Variants in MYRIP observed in about 807,000 individuals in gnomAD.
The protein encoded by MYRIP is myosin VIIA and Rab interacting protein, also known as rab effector MyRIP.
MYRIP carries 49 observed loss-of-function variants against 98.0 expected under a neutral mutation model. The ratio of observed to expected loss-of-function variants is 0.50; its 90% confidence interval spans 0.40 to 0.63. The LOEUF is 0.63. MYRIP is among the 30% of genes least tolerant of loss of function. The pLI, the probability that MYRIP is intolerant of heterozygous loss-of-function variation, is 0.00. For synonymous variants in MYRIP, 404 were observed against 409.5 expected (o/e 0.99, Z 0.16); for missense variants, 1,004 against 1,058.2 (o/e 0.95, Z 0.71).
chr3:40,192,346 A>ATATATATGTCATATATATATATGTCATT (rs1951257173), intron 10 of MYRIP, among the ~76,000 whole-genome samples: 1 of 110,660 alleles, frequency 9.0e-6, no homozygotes, highest in African/African-American at 3.3e-5. Flanking sequence ...TATATGTCAT[A>ATATATATGTCATATATATATATGTCATT]TATATATTTA....
chr3:40,083,924 T>C (rs969549795), intron 3 of MYRIP, among the ~76,000 whole-genome samples: 1 of 151,816 alleles, frequency 6.6e-6, no homozygotes, highest in Non-Finnish European at 1.5e-5. Context: ...GATTATGAGG[T>C]CAGGAGATCA....
At chr3:40,089,491 C>T (rs1948699528) in intron 3 of MYRIP, among the ~76,000 whole-genome samples, 1 of 152,122 alleles carries the variant, frequency 6.6e-6, no homozygotes, top group Non-Finnish European at 1.5e-5. Context: ...GCAGGTTCTT[C>T]CAGGCATGAG....
At chr3:39,932,366 GT>G (rs900652658) in intron 2 of MYRIP, among the ~76,000 whole-genome samples, 1 of 149,524 alleles carries the variant, frequency 6.7e-6, no homozygotes, top group African/African-American at 2.5e-5. Context: ...CACAAAATGA[GT>G]CTTTTTTTTT....
At chr3:40,197,103 T>C (rs1170763223) in intron 10 of MYRIP, among the ~76,000 whole-genome samples, 2 of 152,148 alleles carry the variant, frequency 1.3e-5, no homozygotes, top group African/African-American at 2.4e-5. Context: ...TTTCTATGGA[T>C]TGCGGCAGGT....
chr3:39,851,041 T>A (rs538595274), intron 1 of MYRIP, among the ~76,000 whole-genome samples: 1 of 152,300 alleles, frequency 6.6e-6, no homozygotes, highest in East Asian at 1.9e-4. Context: ...AGCAGGGGAT[T>A]GCAGGCATCT....
At chr3:40,216,143 T>C (rs1203197483) in intron 11 of MYRIP, among the ~76,000 whole-genome samples, 1 of 152,136 alleles carries the variant, frequency 6.6e-6, no homozygotes, top group Non-Finnish European at 1.5e-5. Context: ...CAGACATACT[T>C]CAAGCCTCTA....
At chr3:40,104,064 AC>A (rs1949005037) in intron 3 of MYRIP, among the ~76,000 whole-genome samples, 1 of 152,192 alleles carries the variant, frequency 6.6e-6, no homozygotes, top group African/African-American at 2.4e-5. Flanking sequence ...AAGTCTAAAT[AC>A]CTGTAAGTAC....
intron 2 of MYRIP, among the ~76,000 whole-genome samples, chr3:39,910,610 T>G (rs1943998107): frequency 6.6e-6 from 1 of 152,234 alleles, no homozygotes; most frequent in African/African-American, 2.4e-5. Flanking sequence ...AGATCAAGTA[T>G]AAAAAATGTA....
chr3:40,157,425 A>G (rs1300561511), intron 4 of MYRIP, among the ~76,000 whole-genome samples: 1 of 148,146 alleles, frequency 6.8e-6, no homozygotes, highest in South Asian at 2.2e-4. Context: ...TTTTGCATCA[A>G]TGTTCATCAA....
At chr3:40,000,329 C>G (rs936751745) in intron 2 of MYRIP, among the ~76,000 whole-genome samples, 2 of 152,156 alleles carry the variant, frequency 1.3e-5, no homozygotes, top group African/African-American at 4.8e-5. Flanking sequence ...TGACTCCAAG[C>G]AAATTCCTAT....
chr3:39,839,607 G>T (rs1211820732), intron 1 of MYRIP, among the ~76,000 whole-genome samples: 1 of 152,094 alleles, frequency 6.6e-6, no homozygotes, highest in African/African-American at 2.4e-5. Flanking sequence ...GCTCTTTCCT[G>T]CTTTCTTCTG....
chr3:39,982,463 C>A (rs1463991476), intron 2 of MYRIP, among the ~76,000 whole-genome samples: 1 of 152,146 alleles, frequency 6.6e-6, no homozygotes, highest in African/African-American at 2.4e-5. Flanking sequence ...CCAAATGAAC[C>A]ACTTACAAGC....
chr3:39,964,200 G>A lies in MYRIP; in HGVS notation c.110+63274G>A, dbSNP rs368177634. 1.3e-3 allele frequency among the ~76,000 whole-genome samples: 202 copies of A among 151,874 alleles called. 2 individuals carry two copies. In the South Asian group the frequency reaches 0.04, roughly 30 times the overall value. ...TTTTAGCCCTTAATTACCATTATGAGCGACTTGGATTCTATTTTGTTTCAA... is the reference window on the plus strand; with the variant it reads ...TTTTAGCCCTTAATTACCATTATGAACGACTTGGATTCTATTTTGTTTCAA... On this transcript the variant is annotated intron_variant, in intron 2 of 16. Transcript: ENST00000302541.
chr3:39,881,372 C>T (rs1943151914), intron 1 of MYRIP, among the ~76,000 whole-genome samples: 1 of 152,106 alleles, frequency 6.6e-6, no homozygotes, highest in South Asian at 2.1e-4. Flanking sequence ...TTGGGGTTCA[C>T]CATAGAATAA....
intron 3 of MYRIP, among the ~76,000 whole-genome samples, chr3:40,112,333 A>G (rs1949175710): frequency 6.6e-6 from 1 of 152,080 alleles, no homozygotes; most frequent in African/African-American, 2.4e-5. Flanking sequence ...GGAAGGGACA[A>G]ATAAGCACAC....
At chr3:39,867,888 G>A (rs1398927033) in intron 1 of MYRIP, among the ~76,000 whole-genome samples, 1 of 152,144 alleles carries the variant, frequency 6.6e-6, no homozygotes, top group Non-Finnish European at 1.5e-5. Context: ...CCAGGACATG[G>A]AAGCAACCTA....
chr3:40,113,712 C>G (rs1949208718), intron 3 of MYRIP, among the ~76,000 whole-genome samples: 1 of 151,972 alleles, frequency 6.6e-6, no homozygotes, highest in South Asian at 2.1e-4. Context: ...TTTTTTGAGA[C>G]AGAGTCTCGC....
chr3:39,979,735 C>G (rs1400792103), intron 2 of MYRIP, among the ~76,000 whole-genome samples: 1 of 151,438 alleles, frequency 6.6e-6, no homozygotes, highest in East Asian at 1.9e-4. Flanking sequence ...CATGCATTCA[C>G]TGGGAGATGC....
At chr3:39,976,452 C>G (rs1207684936) in intron 2 of MYRIP, among the ~76,000 whole-genome samples, 6 of 152,102 alleles carry the variant, frequency 3.9e-5, no homozygotes, top group Admixed American at 3.3e-4. Context: ...TGGTGGGACT[C>G]TAACCTAGTT....
Sources: allele counts gnomAD v4.1 joint callset (sites outside exome capture counted in the v4.1 genomes callset), GRCh38; gene constraint gnomAD v4.1.1; transcripts MANE v1.5; gene names NCBI Gene and HGNC (gene_info 2026-07-23, HGNC 2026-07-21).